CTIF: variants seen among roughly 807,000 people sequenced by gnomAD.
CTIF encodes cap binding complex dependent translation initiation factor.
A neutral mutation model predicts 66.0 loss-of-function variants in CTIF; 21 were observed. The observed-to-expected ratio is 0.32, with a 90% CI of 0.23 to 0.46. The LOEUF is 0.46. Ranked by LOEUF, CTIF falls within the 20% of genes least tolerant of loss-of-function variation. The probability of loss-of-function intolerance (pLI) is 1.00; values close to 1 mark genes in which losing one functional copy is unlikely to be tolerated. For synonymous variants in CTIF, 345 were observed against 326.4 expected, an observed-to-expected ratio of 1.06 and a Z score of -0.62; for missense variants, 739 against 812.7, an observed-to-expected ratio of 0.91 and a Z score of 1.10.
chr18:48,729,365 C>G (rs1296274239), intron 7 of CTIF, among the ~76,000 whole-genome samples: 1 of 152,154 alleles, frequency 6.6e-6, no homozygotes, highest in Non-Finnish European at 1.5e-5. Context: ...AAAGTTTGGG[C>G]TTTAATTGGA....
At chr18:48,720,818 C>T (rs1403060420) in intron 7 of CTIF, among the ~76,000 whole-genome samples, 1 of 152,184 alleles carries the variant, frequency 6.6e-6, no homozygotes, top group Non-Finnish European at 1.5e-5. Context: ...AGGCCGCACT[C>T]CTGGGCAGAA....
At chr18:48,832,561 GCTGGGCAGCTGCCACCCTCTC>G (rs1251035918) in intron 10 of CTIF, among the ~76,000 whole-genome samples, 3 of 152,304 alleles carry the variant, frequency 2.0e-5, no homozygotes, top group Non-Finnish European at 4.4e-5. Context: ...GCTGGGCAGG[GCTGGGCAGCTGCCACCCTCTC>G]CTCACAGCAG....
chr18:48,564,293 T>A (rs1004686687), intron 1 of CTIF, among the ~76,000 whole-genome samples: 3 of 152,116 alleles, frequency 2.0e-5, no homozygotes, highest in Non-Finnish European at 4.4e-5. Context: ...GGACCGGACC[T>A]CTGTGGGTGG....
intron 9 of CTIF, among the ~76,000 whole-genome samples, chr18:48,774,531 C>T (rs1910485972): frequency 2.0e-5 from 3 of 152,116 alleles, no homozygotes; most frequent in South Asian, 4.2e-4. Flanking sequence ...CTCTGCTGGC[C>T]CTTCCAGGAC....
At chr18:48,578,214 T>G (rs987003498) in intron 1 of CTIF, among the ~76,000 whole-genome samples, 1 of 152,206 alleles carries the variant, frequency 6.6e-6, no homozygotes, top group Non-Finnish European at 1.5e-5. Flanking sequence ...TTTTATGTAT[T>G]CCTTTGTCAA....
At chr18:48,816,637 G>T (rs2068368948) in intron 9 of CTIF, among the ~76,000 whole-genome samples, 1 of 152,048 alleles carries the variant, frequency 6.6e-6, no homozygotes, top group Non-Finnish European at 1.5e-5. Flanking sequence ...TCACACAATG[G>T]GGCAATAATA....
intron 9 of CTIF, among the ~76,000 whole-genome samples, chr18:48,815,617 C>T (rs1444727701): frequency 2.0e-5 from 3 of 152,240 alleles, no homozygotes; most frequent in African/African-American, 7.2e-5. Flanking sequence ...CCAAAGCTGG[C>T]ACTGCAGGGC....
intron 1 of CTIF, among the ~76,000 whole-genome samples, chr18:48,586,276 CTT>C (rs545720420): frequency 2.3e-4 from 32 of 138,418 alleles, no homozygotes; most frequent in Admixed American, 3.6e-4. Context: ...CACACTTTTA[CTT>C]TTTTTTTTTT....
At chr18:48,567,313 C>G (rs2089300628) in intron 1 of CTIF, 1 of 152,176 alleles carries the variant, frequency 6.6e-6, no homozygotes, top group South Asian at 2.1e-4. Flanking sequence ...GTCCAGCACC[C>G]TCATGATGTG....
intron 7 of CTIF, among the ~76,000 whole-genome samples, chr18:48,746,015 A>G (rs2092593252): frequency 6.6e-6 from 1 of 152,210 alleles, no homozygotes; most frequent in South Asian, 2.1e-4. Flanking sequence ...TAATTAAGTC[A>G]TGAGTGGAGG....
chr18:48,590,662 C>T (rs1014732140), intron 1 of CTIF, among the ~76,000 whole-genome samples: 24 of 152,324 alleles, frequency 1.6e-4, no homozygotes, highest in Admixed American at 1.4e-3. Flanking sequence ...GGACTCCCTC[C>T]AGGCACCACC....
At chr18:48,649,719 A>C (rs535140911) in intron 3 of CTIF, among the ~76,000 whole-genome samples, 2 of 152,306 alleles carry the variant, frequency 1.3e-5, no homozygotes, top group African/African-American at 4.8e-5. Flanking sequence ...CTGACACCTC[A>C]TACAGGCAGG....
intron 6 of CTIF, among the ~76,000 whole-genome samples, chr18:48,671,814 G>A (rs982812427): frequency 6.7e-6 from 1 of 149,662 alleles, no homozygotes; most frequent in African/African-American, 2.5e-5. Flanking sequence ...ATTTTTTAAA[G>A]TCTTTCTTTA....
At chr18:48,660,537 G>A (rs71355355) in intron 3 of CTIF, among the ~76,000 whole-genome samples, 2,323 of 152,316 alleles carry the variant, frequency 0.015, 26 homozygotes, top group South Asian at 0.019. Flanking sequence ...CAAGAATCTG[G>A]AAGTCCAGAG....
At chr18:48,580,244 G>A (rs1044021544) in intron 1 of CTIF, among the ~76,000 whole-genome samples, 7 of 152,208 alleles carry the variant, frequency 4.6e-5, no homozygotes, top group Admixed American at 1.3e-4. Context: ...TGCTTGGTGC[G>A]GGTCACTGGC....
intron 2 of CTIF, among the ~76,000 whole-genome samples, chr18:48,628,748 G>A (rs1216577503): frequency 1.3e-5 from 2 of 152,184 alleles, no homozygotes; most frequent in Non-Finnish European, 2.9e-5. Context: ...TCCTAATCAC[G>A]CAAGCATTCT....
chr18:48,606,704 T>C (rs1395012042), intron 1 of CTIF, among the ~76,000 whole-genome samples: 1 of 152,010 alleles, frequency 6.6e-6, no homozygotes, highest in Non-Finnish European at 1.5e-5. Context: ...ATTGAGGGAG[T>C]GGAGCTCTGG....
intron 6 of CTIF, among the ~76,000 whole-genome samples, chr18:48,681,669 C>T (rs2091744762): frequency 1.3e-5 from 2 of 152,196 alleles, no homozygotes; most frequent in South Asian, 4.1e-4. Context: ...TCTGTCTGTG[C>T]TCTCAGCTTG....
chr18:48,668,916 C>T (rs1359802104), intron 5 of CTIF, among the ~76,000 whole-genome samples: 1 of 152,044 alleles, frequency 6.6e-6, no homozygotes, highest in Admixed American at 6.6e-5. Flanking sequence ...GGGTCCCAGA[C>T]CCTGTCCAGA....
Sources: allele counts gnomAD v4.1 joint callset (sites outside exome capture counted in the v4.1 genomes callset), GRCh38; gene constraint gnomAD v4.1.1; transcripts MANE v1.5; gene names NCBI Gene and HGNC (gene_info 2026-07-23, HGNC 2026-07-21).